Variants in FECH observed in about 807,000 individuals in gnomAD.
FECH encodes ferrochelatase, mitochondrial.
In FECH, 40 loss-of-function variants were observed where a neutral mutation model predicts 56.9. The observed-to-expected ratio is 0.70, with a 90% CI of 0.55 to 0.92. FECH has a LOEUF of 0.92. FECH is among the 40% of genes least tolerant of loss of function. FECH has a pLI of 0.00. For synonymous variants in FECH, 175 were observed against 198.6 expected (o/e 0.88, Z 1.00); for missense variants, 431 against 529.1 (o/e 0.81, Z 1.82).
intron 1 of FECH, among the ~76,000 whole-genome samples, chr18:57,582,215 G>A (rs1391681477): frequency 6.6e-6 from 1 of 152,092 alleles, no homozygotes; most frequent in Non-Finnish European, 1.5e-5. Flanking sequence ...TACAAGTTTA[G>A]CATCCCAAAT....
intron 3 of FECH, chr18:57,572,953 T>C (rs1171134999): frequency 2.0e-5 from 8 of 402,980 alleles, no homozygotes. Flanking sequence ...AAGTGACAAG[T>C]ACAAATATAT....
At chr18:57,572,101 A>G (rs1046479326) in intron 3 of FECH, among the ~76,000 whole-genome samples, 4 of 152,204 alleles carry the variant, frequency 2.6e-5, no homozygotes, top group African/African-American at 9.6e-5. Context: ...CCAGACCTAT[A>G]TATCGATATA....
At position 57,559,120 on chromosome 18, in the gene FECH, C is replaced by A; in HGVS notation, c.804+25G>T. 2.1e-6 allele frequency: 3 copies of A among 1,459,472 alleles called. No homozygotes were observed. In the South Asian group the frequency reaches 3.4e-5, roughly 17 times the overall value. The allele number at this position is 1,459,472 out of a possible 1,614,324, so 90.4% of individuals were successfully genotyped here. On this transcript the variant is annotated intron_variant, in intron 7 of 10. Coordinates refer to ENST00000262093, the MANE Select transcript of FECH (RefSeq NM_000140.5). ...ATCACCCAATCCTCTATCACTAGGTCATCCCAGAAAATGTTCTTACTTACA... is the reference window on the plus strand; with the variant it reads ...ATCACCCAATCCTCTATCACTAGGTAATCCCAGAAAATGTTCTTACTTACA...
At chr18:57,563,351 G>T (rs2050971131) in intron 5 of FECH, among the ~76,000 whole-genome samples, 1 of 152,092 alleles carries the variant, frequency 6.6e-6, no homozygotes, top group African/African-American at 2.4e-5. Flanking sequence ...GGAGGCCAAG[G>T]CTGGTGGATC....
chr18:57,571,967 G>A (rs1646600), intron 3 of FECH, among the ~76,000 whole-genome samples: 8 of 152,226 alleles, frequency 5.3e-5, no homozygotes, highest in Non-Finnish European at 1.0e-4. Context: ...TAGGAGCAAA[G>A]ATGTATGCAC....
chr18:57,585,579 T>C (rs1476530515), intron 1 of FECH, among the ~76,000 whole-genome samples: 1 of 152,120 alleles, frequency 6.6e-6, no homozygotes, highest in Non-Finnish European at 1.5e-5. Flanking sequence ...GTACACTGGG[T>C]CCTTAGTATT....
chr18:57,579,238 ACT>A (rs1201201538), intron 2 of FECH, among the ~76,000 whole-genome samples: 1 of 137,796 alleles, frequency 7.3e-6, no homozygotes, highest in African/African-American at 3.0e-5. Context: ...ACAGAGTGAG[ACT>A]CTCTCAAAAA....
chr18:57,586,656 C>T lies in FECH; in HGVS notation c.-36G>A. On this transcript the variant is annotated 5_prime_UTR_variant, in exon 1 of 11. Transcript: ENST00000262093. ...GCCTCGGCCCGAGTCCGGGCTCCTC[C>T]CGCGGCGGCGCGCCCAGGTGTCCGC... 1 of 1,487,438 alleles carries T rather than the reference C, an allele frequency of 6.7e-7. No homozygotes were observed. Among genetic ancestry groups the T allele is most frequent in the Non-Finnish European group, 8.9e-7 (1 of 1,124,572 alleles). The allele number at this position is 1,487,438 out of a possible 1,614,324, so 92.1% of individuals were successfully genotyped here.
chr18:57,567,679 G>A (rs2051036338), intron 4 of FECH, among the ~76,000 whole-genome samples: 1 of 152,178 alleles, frequency 6.6e-6, no homozygotes, highest in African/African-American at 2.4e-5. Context: ...GAAACATTTA[G>A]GTTAAAGTGA....
chr18:57,572,626 C>T (rs571658939), intron 3 of FECH, among the ~76,000 whole-genome samples: 4 of 123,834 alleles, frequency 3.2e-5, no homozygotes, highest in East Asian at 2.7e-4. Flanking sequence ...TATGTATGTG[C>T]GCGTGTGTGT....
intron 2 of FECH, among the ~76,000 whole-genome samples, chr18:57,578,226 A>C (rs1432081001): frequency 6.6e-6 from 1 of 152,196 alleles, no homozygotes; most frequent in Non-Finnish European, 1.5e-5. Flanking sequence ...AGGGGCAAGG[A>C]GAAATGGAAT....
chr18:57,564,888 G>A (rs1053854462), intron 5 of FECH, among the ~76,000 whole-genome samples: 1 of 152,216 alleles, frequency 6.6e-6, no homozygotes, highest in Non-Finnish European at 1.5e-5. Context: ...TGAGAAATGT[G>A]TTTGTGATAA....
chr18:57,566,048 T>G (rs2051011740), intron 5 of FECH, among the ~76,000 whole-genome samples: 1 of 152,270 alleles, frequency 6.6e-6, no homozygotes, highest in African/African-American at 2.4e-5. Flanking sequence ...TTTCCCATGT[T>G]GTATGGGCAT....
chr18:57,556,354 T>C (rs572936677), intron 7 of FECH, among the ~76,000 whole-genome samples: 1 of 152,268 alleles, frequency 6.6e-6, no homozygotes, highest in South Asian at 2.1e-4. Flanking sequence ...ATATTTTTAA[T>C]TACAAAGAGA....
intron 1 of FECH, among the ~76,000 whole-genome samples, chr18:57,585,300 T>C (rs1289247750): frequency 6.6e-6 from 1 of 152,192 alleles, no homozygotes; most frequent in African/African-American, 2.4e-5. Context: ...CAAATCAAAG[T>C]CTGTAACACA....
chr18:57,550,868 A>G lies in FECH; in HGVS notation c.1138-22T>C, dbSNP rs766054949. 3.7e-6 allele frequency: 6 copies of G among 1,612,832 alleles called. No individual in the cohort carries two copies. In the Admixed American group the frequency reaches 1.0e-4, roughly 27 times the overall value. ...GGGCCTGGAAGATAGACAAGAGGCA[A>G]AGACGCATGAGAAGCACAGGGTCTG... is the stretch of plus-strand genomic sequence containing the variant. On this transcript the variant is annotated intron_variant, in intron 10 of 10. Coordinates refer to ENST00000262093, the MANE Select transcript of FECH (RefSeq NM_000140.5).
intron 1 of FECH, among the ~76,000 whole-genome samples, chr18:57,585,312 A>G (rs1048375441): frequency 1.1e-4 from 16 of 152,242 alleles, no homozygotes; most frequent in Admixed American, 6.5e-5. Context: ...TGTAACACAA[A>G]TAAGACTCCA....
chr18:57,577,380 A>G (rs2051199057), intron 2 of FECH, among the ~76,000 whole-genome samples: 1 of 152,242 alleles, frequency 6.6e-6, no homozygotes, highest in Non-Finnish European at 1.5e-5. Flanking sequence ...TTTGGCCTAC[A>G]AAGCCTGAAA....
intron 1 of FECH, among the ~76,000 whole-genome samples, chr18:57,583,904 G>A (rs78659575): frequency 0.023 from 3,528 of 152,178 alleles, 66 homozygotes; most frequent in Non-Finnish European, 0.033. Flanking sequence ...AAACTTCACC[G>A]GGCACAGTGG....
Sources: gnomAD v4.1 joint callset for allele counts (sites outside exome capture counted in the v4.1 genomes callset) on GRCh38, gnomAD v4.1.1 for gene constraint, MANE v1.5 for transcripts, NCBI Gene and HGNC (gene_info 2026-07-23, HGNC 2026-07-21) for gene names.